The following CALN1 variants were observed in gnomAD, a reference collection of about 807,000 sequenced individuals.
The protein encoded by CALN1 is calneuron 1, also known as calcium-binding protein 8.
A neutral mutation model predicts 30.6 loss-of-function variants in CALN1; 17 were observed. The ratio of observed to expected loss-of-function variants is 0.56; its 90% confidence interval spans 0.38 to 0.83. CALN1 has a LOEUF of 0.83. Among genes scored for constraint, CALN1 ranks in the 40% least tolerant of loss-of-function variants. The probability of loss-of-function intolerance (pLI) is 0.00; values close to 1 mark genes in which losing one functional copy is unlikely to be tolerated. For missense variants in CALN1, 291 were observed against 354.9 expected (o/e 0.82, Z 1.45); for synonymous variants, 156 against 131.4 (o/e 1.19, Z -1.28).
chr7:72,400,617 C>A (rs976971889), intron 2 of CALN1, among the ~76,000 whole-genome samples: 1 of 152,204 alleles, frequency 6.6e-6, no homozygotes, highest in South Asian at 2.1e-4. Flanking sequence ...AGCCTATAAT[C>A]CCAGCACTTT....
chr7:72,303,043 T>C (rs923803553), intron 2 of CALN1, among the ~76,000 whole-genome samples: 4 of 150,960 alleles, frequency 2.6e-5, no homozygotes, highest in African/African-American at 4.9e-5. Flanking sequence ...ATGGTGCCAT[T>C]GCACTCTAAC....
At chr7:72,156,323 C>T (rs938931125) in intron 3 of CALN1, among the ~76,000 whole-genome samples, 1 of 152,154 alleles carries the variant, frequency 6.6e-6, no homozygotes, top group Non-Finnish European at 1.5e-5. Context: ...TAGGACAGGA[C>T]CAGCTGCTCA....
intron 3 of CALN1, among the ~76,000 whole-genome samples, chr7:72,139,517 T>C (rs1257186563): frequency 1.4e-5 from 2 of 145,278 alleles, no homozygotes; most frequent in African/African-American, 5.1e-5. Context: ...GCCCACCCTC[T>C]TCTAAGCACC....
intron 5 of CALN1, among the ~76,000 whole-genome samples, chr7:71,824,705 C>T (rs187922515): frequency 9.9e-5 from 15 of 152,238 alleles, no homozygotes; most frequent in African/African-American, 2.4e-4. Flanking sequence ...AAAAGACAGG[C>T]GGAATAAACT....
intron 5 of CALN1, among the ~76,000 whole-genome samples, chr7:71,830,411 G>A (rs1453448284): frequency 9.2e-5 from 14 of 151,894 alleles, no homozygotes; most frequent in African/African-American, 3.1e-4. Context: ...GCGGTGGTGC[G>A]ATCTCGGCTC....
intron 3 of CALN1, among the ~76,000 whole-genome samples, chr7:72,240,669 C>T (rs1043279788): frequency 6.6e-6 from 1 of 152,186 alleles, no homozygotes; most frequent in African/African-American, 2.4e-5. Flanking sequence ...GAGAAGGATT[C>T]GTTGCTGTTA....
intron 5 of CALN1, among the ~76,000 whole-genome samples, chr7:71,886,457 G>C (rs1792914038): frequency 6.6e-6 from 1 of 152,192 alleles, no homozygotes; most frequent in Non-Finnish European, 1.5e-5. Context: ...TTTCATTCAT[G>C]CAAGAGTCTG....
intron 5 of CALN1, among the ~76,000 whole-genome samples, chr7:71,937,527 G>T (rs369441503): frequency 2.6e-5 from 4 of 151,996 alleles, no homozygotes; most frequent in Admixed American, 6.6e-5. Context: ...GGACCAGACG[G>T]GAGTCCGGTG....
chr7:71,840,485 TAAAAAAAA>T (rs61579583), intron 5 of CALN1, among the ~76,000 whole-genome samples: 1,381 of 101,344 alleles, frequency 0.014, 17 homozygotes, highest in Middle Eastern at 0.031. Context: ...ATGCTCTCTT[TAAAAAAAA>T]AAAAAAAAAA....
At chr7:72,138,726 C>A (rs1031738503) in intron 3 of CALN1, among the ~76,000 whole-genome samples, 1 of 152,154 alleles carries the variant, frequency 6.6e-6, no homozygotes, top group Non-Finnish European at 1.5e-5. Context: ...CGACAATATG[C>A]CTGATAAAAC....
chr7:72,229,229 A>G (rs1265454448), intron 3 of CALN1, among the ~76,000 whole-genome samples: 4 of 152,076 alleles, frequency 2.6e-5, no homozygotes, highest in African/African-American at 9.6e-5. Context: ...CTCAGATAAC[A>G]AAGAGACTTT....
At chr7:72,251,296 C>T (rs1795538900) in intron 3 of CALN1, among the ~76,000 whole-genome samples, 1 of 152,146 alleles carries the variant, frequency 6.6e-6, no homozygotes, top group African/African-American at 2.4e-5. Flanking sequence ...CTTTATTATA[C>T]TATCTATCCC....
intron 3 of CALN1, among the ~76,000 whole-genome samples, chr7:72,128,376 T>C (rs1288727618): frequency 1.3e-5 from 2 of 152,092 alleles, no homozygotes; most frequent in African/African-American, 4.8e-5. Flanking sequence ...ACTAAGTAGA[T>C]ACCTGGAAAA....
intron 5 of CALN1, among the ~76,000 whole-genome samples, chr7:71,993,337 G>A (rs376136445): frequency 1.3e-5 from 2 of 152,202 alleles, no homozygotes; most frequent in East Asian, 3.9e-4. Flanking sequence ...TGGATGGTGT[G>A]TGCCTGTAGT....
At chr7:72,194,755 C>A (rs1045342885) in intron 3 of CALN1, among the ~76,000 whole-genome samples, 1 of 151,748 alleles carries the variant, frequency 6.6e-6, no homozygotes, top group Non-Finnish European at 1.5e-5. Context: ...CCACGGCCAG[C>A]TGATTTTTGT....
intron 3 of CALN1, among the ~76,000 whole-genome samples, chr7:72,164,804 C>T (rs1249381169): frequency 6.6e-6 from 1 of 152,152 alleles, no homozygotes; most frequent in Non-Finnish European, 1.5e-5. Context: ...GCTAGGAATA[C>T]AGGTGCGTAC....
At chr7:72,074,386 C>A (rs1041183173) in intron 4 of CALN1, among the ~76,000 whole-genome samples, 1 of 152,166 alleles carries the variant, frequency 6.6e-6, no homozygotes, top group Non-Finnish European at 1.5e-5. Flanking sequence ...ACCAGTTCCC[C>A]TCTGCCATTA....
chr7:72,176,856 C>A (rs1032432227), intron 3 of CALN1, among the ~76,000 whole-genome samples: 1 of 152,016 alleles, frequency 6.6e-6, no homozygotes, highest in African/African-American at 2.4e-5. Flanking sequence ...GGTGCCAGAT[C>A]CCCTTCTTTC....
intron 5 of CALN1, among the ~76,000 whole-genome samples, chr7:71,966,815 GTTC>G (rs1219789472): frequency 6.6e-6 from 1 of 152,160 alleles, no homozygotes; most frequent in East Asian, 1.9e-4. Context: ...GAAAATTATA[GTTC>G]TTCTCTTCCA....
Sources: allele counts gnomAD v4.1 joint callset (sites outside exome capture counted in the v4.1 genomes callset), GRCh38; gene constraint gnomAD v4.1.1; transcripts MANE v1.5; gene names NCBI Gene and HGNC (gene_info 2026-07-23, HGNC 2026-07-21).